The following ABCC11 variants were observed in gnomAD, a reference collection of about 807,000 sequenced individuals.
ABCC11 encodes the protein ATP-binding cassette sub-family C member 11.
In ABCC11, 135 loss-of-function variants were observed where a neutral mutation model predicts 149.3. The ratio of observed to expected loss-of-function variants is 0.90; its 90% CI spans 0.79 to 1.04. ABCC11 has a LOEUF of 1.04. Among genes scored for constraint, ABCC11 ranks in the 50% least tolerant of loss-of-function variants. ABCC11 has a pLI of 0.00. For missense variants in ABCC11, 1,680 were observed against 1,722.1 expected (o/e 0.98, Z 0.43); for synonymous variants, 665 against 671.4 (o/e 0.99, Z 0.15).
chr16:48,205,473 C>A lies in ABCC11; in HGVS notation c.1745G>T (p.Trp582Leu). ...CTCCCTGATGTTCCCGCTGACGATC[C>A]AGGCCTGCTGGGGGACATAGGCCAG... ...GSLAYVPQQAWIVSGNIRENI... is the reference protein window; with the variant it reads ...GSLAYVPQQALIVSGNIRENI... The change falls in exon 13 of 30, where the codon TGG becomes TTG. Residue 582 changes from tryptophan (W) to leucine (L), a missense_variant. Transcript: ENST00000356608. The A allele has an allele frequency of 6.2e-7, 1 of 1,614,198 alleles. No homozygotes were observed. The highest frequency in any genetic ancestry group is 2.2e-5 in the East Asian group (1 of 44,874).
chr16:48,189,708 C>T (rs1286336570), intron 20 of ABCC11, among the ~76,000 whole-genome samples: 2 of 152,096 alleles, frequency 1.3e-5, no homozygotes, highest in East Asian at 3.9e-4. Flanking sequence ...CCTTGAGGGC[C>T]GAGGGCCACC....
chr16:48,242,545 G>A (rs1386015147), intron 1 of ABCC11, among the ~76,000 whole-genome samples: 1 of 152,074 alleles, frequency 6.6e-6, no homozygotes, highest in East Asian at 1.9e-4. Flanking sequence ...CCCATTGCTG[G>A]GTATATACCC....
At chr16:48,230,248 T>C (rs570606171) in intron 3 of ABCC11, among the ~76,000 whole-genome samples, 189 bp downstream of exon 3, 6 of 152,350 alleles carry the variant, frequency 3.9e-5, no homozygotes, top group African/African-American at 1.4e-4. Context: ...AATGATCCTT[T>C]CTGTATGAAT....
At chr16:48,177,211 A>C in intron 24 of ABCC11, 98 bp from the exon 25 acceptor site, 2 of 1,264,224 alleles carry the variant, frequency 1.6e-6, no homozygotes. Flanking sequence ...GGTGTGACCC[A>C]CCCCAGCCTG....
At position 48,215,296 on chromosome 16, in the gene ABCC11, C is replaced by A. The variant is rs1459471305; in HGVS notation, c.1000G>T (p.Val334Phe). The A allele has an allele frequency of 6.2e-7, 1 of 1,614,112 alleles. No homozygotes were observed. Among genetic ancestry groups the A allele is most frequent in the Admixed American group, 1.7e-5 (1 of 60,018 alleles). The change falls in exon 8 of 30, where the codon GTC (valine) becomes TTC (phenylalanine). Residue 334 changes from valine to phenylalanine, a missense_variant. Coordinates refer to ENST00000356608, the MANE Select transcript of ABCC11 (RefSeq NM_001370497.1). ...AVKAQHHTSE[V>F]SDQRIRVTSE... is the part of the protein sequence containing the mutation. ...GTCACACGGATGCGCTGGTCGCTGACCTCAGATGTGTGATGCTGAGCCTTC... is the reference window on the plus strand; with the variant it reads ...GTCACACGGATGCGCTGGTCGCTGAACTCAGATGTGTGATGCTGAGCCTTC...
chr16:48,221,970 G>A (rs1969771425), intron 6 of ABCC11, among the ~76,000 whole-genome samples: 1 of 150,414 alleles, frequency 6.6e-6, no homozygotes, highest in Non-Finnish European at 1.5e-5. Flanking sequence ...CTAGAGTGCA[G>A]TGGCGTGATC....
intron 1 of ABCC11, among the ~76,000 whole-genome samples, chr16:48,245,657 A>G (rs1229928698): frequency 6.6e-6 from 1 of 152,222 alleles, no homozygotes; most frequent in African/African-American, 2.4e-5. Flanking sequence ...TAAGTGTACA[A>G]TACACGCCAG....
Position 48,170,907 on chromosome 16 carries a change from C to T in ABCC11, c.3759G>A (p.Arg1253=). 6.2e-7 allele frequency: 1 copy of T among 1,613,924 alleles called. No homozygotes were observed. Among genetic ancestry groups the T allele is most frequent in the Non-Finnish European group, 8.5e-7 (1 of 1,179,806 alleles). ...TACTTACGGCCTTGGTCAGGAATGTCCTCTCCAAGGCATCCCAGATCTGCT... is the reference window on the plus strand; with the variant it reads ...TACTTACGGCCTTGGTCAGGAATGTTCTCTCCAAGGCATCCCAGATCTGCT... ...TDQQIWDALE[R]TFLTKAISKF... is the part of the protein sequence containing the mutation. The change falls in exon 27 of 30, where the codon AGG becomes AGA. Residue 1253 remains arginine, a synonymous_variant. Coordinates refer to ENST00000356608, the MANE Select transcript of ABCC11 (RefSeq NM_001370497.1).
intron 6 of ABCC11, among the ~76,000 whole-genome samples, chr16:48,220,044 A>AAG (rs560259918): frequency 1.8e-3 from 271 of 152,352 alleles, no homozygotes; most frequent in African/African-American, 6.2e-3. Context: ...AGAAATCCTT[A>AAG]CTTCAGAAAT....
rs11866604 is a variant in ABCC11, at chr16:48,213,887, T to A, written c.1249-337A>T. Among the ~76,000 whole-genome samples the A allele has an allele frequency of 3.4e-3, 521 of 152,286 alleles. 2 individuals carry two copies. The highest frequency in any genetic ancestry group is 0.012 in the African/African-American group (498 of 41,558). Reference sequence around the variant, plus strand: ...TAAAGTTGGGAAAAAACAAGAAAATTCATGTGAGTGAGCATTGCTTCCTTT... The same window carrying A: ...TAAAGTTGGGAAAAAACAAGAAAATACATGTGAGTGAGCATTGCTTCCTTT... On this transcript the variant is annotated intron_variant, in intron 9 of 29. Coordinates refer to ENST00000356608, the MANE Select transcript of ABCC11 (RefSeq NM_001370497.1).
chr16:48,175,217 T>C (rs780327313), intron 26 of ABCC11, 41 bp downstream of exon 26: 2 of 1,583,388 alleles, frequency 1.3e-6, no homozygotes, highest in Non-Finnish European at 1.7e-6. Flanking sequence ...CCTGGTCCTG[T>C]GACCCACCTC....
At chr16:48,180,450 T>A (rs577539063) in intron 23 of ABCC11, among the ~76,000 whole-genome samples, 14 of 152,326 alleles carry the variant, frequency 9.2e-5, no homozygotes, top group Admixed American at 4.6e-4. Context: ...GGCCACTAAA[T>A]GAGCCAACTG....
At chr16:48,227,413 G>T (rs1043905278) in intron 4 of ABCC11, among the ~76,000 whole-genome samples, 2 of 150,148 alleles carry the variant, frequency 1.3e-5, no homozygotes, top group Non-Finnish European at 1.5e-5. Context: ...GGCAGAGGTT[G>T]CAGTCAGCCG....
chr16:48,189,184 G>A (rs1331763272), intron 20 of ABCC11, among the ~76,000 whole-genome samples: 1 of 152,206 alleles, frequency 6.6e-6, no homozygotes, highest in East Asian at 1.9e-4. Flanking sequence ...AGGAATCAAA[G>A]GGCAAAAGGG....
At position 48,205,537 on chromosome 16, in the gene ABCC11, T is replaced by C. The variant is rs779331504; in HGVS notation, c.1681A>G (p.Met561Val). ...SSLLSAILEE[M>V]HLLEGSVGVQ... ...CCCACCGAGCCCTCGAGCAAGTGCATCTGCGGCAGAATGAGTCCAGCCTCA... is the reference window on the plus strand; with the variant it reads ...CCCACCGAGCCCTCGAGCAAGTGCACCTGCGGCAGAATGAGTCCAGCCTCA... The change falls in exon 13 of 30, where the codon ATG (methionine) becomes GTG (valine). Residue 561 changes from methionine to valine, a missense_variant and splice_region_variant. Met to Val is a conservative substitution (Grantham distance 21). Coordinates refer to ENST00000356608, the MANE Select transcript of ABCC11 (RefSeq NM_001370497.1). 5 of 1,613,178 alleles carry C rather than the reference T, an allele frequency of 3.1e-6. No individual in the cohort carries two copies. Among genetic ancestry groups the C allele is most frequent in the Non-Finnish European group, 4.2e-6 (5 of 1,179,488 alleles).
chr16:48,238,239 G>A (rs1488551336), intron 1 of ABCC11, among the ~76,000 whole-genome samples: 1 of 152,194 alleles, frequency 6.6e-6, no homozygotes, highest in South Asian at 2.1e-4. Flanking sequence ...CTATATTTGT[G>A]TCTCTCCCAC....
Position 48,186,906 on chromosome 16 carries a change from C to G in ABCC11, c.3071+47G>C, listed in dbSNP as rs1196197288. 3 of 1,608,022 alleles carry G rather than the reference C, an allele frequency of 1.9e-6. No individual in the cohort carries two copies. In the South Asian group the frequency reaches 3.3e-5, roughly 18 times the overall value. ...CGCTCCATTCTTTCCCTGCTCCCCA[C>G]CACCCCTGTGGTTCCATCATTCTCA... On this transcript the variant is annotated intron_variant, in intron 22 of 29. Transcript: ENST00000356608.
At chr16:48,192,009 A>G (rs547383083) in intron 20 of ABCC11, among the ~76,000 whole-genome samples, 4 of 152,190 alleles carry the variant, frequency 2.6e-5, no homozygotes, top group African/African-American at 4.8e-5. Context: ...TTGGCCGGGC[A>G]TGGTGGCTCA....
In ABCC11 at chr16:48,227,942, C is replaced by T. The variant is rs939706741; in HGVS notation, c.259G>A (p.Asp87Asn). The T allele has an allele frequency of 1.9e-6, 3 of 1,613,218 alleles. No homozygotes were observed. Among genetic ancestry groups the T allele is most frequent in the African/African-American group, 1.3e-5 (1 of 74,820 alleles). Residue 87 changes from aspartate to asparagine, a missense_variant, in exon 4 of 30, where the codon GAC (aspartate) becomes AAC (asparagine). By Grantham distance (23) the Asp-to-Asn change is conservative. Coordinates refer to ENST00000356608, the MANE Select transcript of ABCC11 (RefSeq NM_001370497.1). ...KPRFPAPQPL[D>N]NAGLFSYLTV... ...AGGTAGGAGAACAGGCCAGCATTGT[C>T]CAGGGGCTGGGGGGCAGGAAACCTA...
Sources: allele counts gnomAD v4.1 joint callset (sites outside exome capture counted in the v4.1 genomes callset), GRCh38; gene constraint gnomAD v4.1.1; transcripts MANE v1.5; gene names NCBI Gene and HGNC (gene_info 2026-07-23, HGNC 2026-07-21).